FRAS1: variants seen among roughly 807,000 people sequenced by gnomAD.
The protein encoded by FRAS1 is extracellular matrix organizing protein FRAS1.
A neutral mutation model predicts 435.2 loss-of-function variants in FRAS1; 290 were observed. The observed-to-expected ratio is 0.67, with a 90% confidence interval of 0.61 to 0.73. The LOEUF is 0.73. Ranked by LOEUF, FRAS1 falls within the 30% of genes least tolerant of loss-of-function variation. The probability of loss-of-function intolerance (pLI) is 0.00; values close to 1 mark genes in which losing one functional copy is unlikely to be tolerated. For synonymous variants in FRAS1, 1,800 were observed against 1,851.0 expected (o/e 0.97, Z 0.71); for missense variants, 4,860 against 5,001.5 (o/e 0.97, Z 0.85).
intron 2 of FRAS1, among the ~76,000 whole-genome samples, chr4:78,185,157 G>A (rs1307914994): frequency 6.6e-6 from 1 of 152,248 alleles, no homozygotes; most frequent in Non-Finnish European, 1.5e-5. Context: ...AATGCTGCGT[G>A]TCAGTTGATC....
At chr4:78,087,435 C>A (rs1237429703) in intron 2 of FRAS1, among the ~76,000 whole-genome samples, 1 of 152,086 alleles carries the variant, frequency 6.6e-6, no homozygotes, top group East Asian at 1.9e-4. Context: ...GGCAATCTGG[C>A]AGGAGAAGGA....
intron 14 of FRAS1, among the ~76,000 whole-genome samples, chr4:78,306,577 T>C (rs2110216581): frequency 7.4e-6 from 1 of 135,132 alleles, no homozygotes; most frequent in African/African-American, 2.8e-5. Context: ...TATTCTTTTT[T>C]CTCTAAACTT....
intron 2 of FRAS1, among the ~76,000 whole-genome samples, chr4:78,226,845 G>A (rs1724298863): frequency 6.6e-6 from 1 of 152,082 alleles, no homozygotes; most frequent in Non-Finnish European, 1.5e-5. Flanking sequence ...TGTTCCATGT[G>A]TCACTAATGC....
At chr4:78,506,613 A>G (rs1225875309) in intron 61 of FRAS1, among the ~76,000 whole-genome samples, 1 of 152,184 alleles carries the variant, frequency 6.6e-6, no homozygotes, top group Non-Finnish European at 1.5e-5. Flanking sequence ...GGAAAAGTGC[A>G]GTATTTGGGC....
At chr4:78,428,565 C>T (rs185378350) in intron 35 of FRAS1, among the ~76,000 whole-genome samples, 14 of 152,260 alleles carry the variant, frequency 9.2e-5, no homozygotes, top group African/African-American at 2.6e-4. Flanking sequence ...CCTCGTGATC[C>T]GCCTGCCTCG....
intron 34 of FRAS1, 52 bp downstream of exon 34, chr4:78,422,052 C>T: frequency 6.5e-7 from 1 of 1,549,954 alleles, no homozygotes; most frequent in Non-Finnish European, 8.7e-7. Context: ...TGTGGCTCTA[C>T]ATGACAGGCT....
intron 23 of FRAS1, among the ~76,000 whole-genome samples, 165 bp downstream of exon 23, chr4:78,370,149 C>G (rs1731446529): frequency 6.6e-6 from 1 of 152,114 alleles, no homozygotes; most frequent in African/African-American, 2.4e-5. Flanking sequence ...TAATTCACTC[C>G]TTTATTTACT....
chr4:78,326,171 G>A (rs78513854), intron 18 of FRAS1, among the ~76,000 whole-genome samples: 10,415 of 152,134 alleles, frequency 0.068, 582 homozygotes, highest in East Asian at 0.27. Context: ...GTGGATGTGT[G>A]GCAGATAAAT....
rs116596621 is a variant in FRAS1 at position 78,431,805 on chromosome 4, G to A, written c.4970-552G>A. ...TTGAAATTTTTTTTTACATAATGCC[G>A]ATCAAATTTCTCATGAATTAGTACT... On this transcript the variant is annotated intron_variant, in intron 37 of 73. Transcript: ENST00000512123. Among the ~76,000 whole-genome samples, 751 of 151,984 alleles carry A rather than the reference G, an allele frequency of 4.9e-3. 3 individuals carry two copies. Among genetic ancestry groups the A allele is most frequent in the African/African-American group, 0.016 (678 of 41,466 alleles).
At chr4:78,086,164 C>T (rs1357726303) in intron 2 of FRAS1, among the ~76,000 whole-genome samples, 1 of 152,142 alleles carries the variant, frequency 6.6e-6, no homozygotes, top group African/African-American at 2.4e-5. Context: ...ACAAACTGCT[C>T]CTGAATGACT....
intron 14 of FRAS1, among the ~76,000 whole-genome samples, chr4:78,306,600 C>A (rs928612426): frequency 7.0e-6 from 1 of 143,204 alleles, no homozygotes; most frequent in African/African-American, 2.6e-5. Context: ...CTTCTCGCTT[C>A]ATTTCATTCA....
chr4:78,309,137 A>G (rs766919319), intron 15 of FRAS1, among the ~76,000 whole-genome samples: 5 of 152,222 alleles, frequency 3.3e-5, no homozygotes, highest in Admixed American at 6.5e-5. Flanking sequence ...GGAAAATGCC[A>G]TAAGCATGCA....
intron 2 of FRAS1, among the ~76,000 whole-genome samples, chr4:78,219,029 A>G (rs1409563117): frequency 6.6e-6 from 1 of 152,234 alleles, no homozygotes; most frequent in East Asian, 1.9e-4. Context: ...AGAGGATTTC[A>G]GCTCCAGTAT....
chr4:78,082,745 C>T (rs1740952321), intron 2 of FRAS1, among the ~76,000 whole-genome samples: 1 of 151,834 alleles, frequency 6.6e-6, no homozygotes, highest in South Asian at 2.1e-4. Flanking sequence ...GAATTATAGG[C>T]CAAAATCAAT....
chr4:78,083,751 T>C (rs1030755453), intron 2 of FRAS1, among the ~76,000 whole-genome samples: 2 of 151,456 alleles, frequency 1.3e-5, no homozygotes, highest in African/African-American at 4.8e-5. Context: ...AGTTTGAGAC[T>C]TACATTGTAG....
Position 78,281,492 on chromosome 4 carries a change from C to T in FRAS1, c.1107+59C>T, listed in dbSNP as rs182462590. On this transcript the variant is annotated intron_variant, in intron 11 of 73. Transcript: ENST00000512123. ...TTATAAAATTGTTTTATGTAATGAT[C>T]TGCATGAAATATCATGGGGAAACTT... 56 of 1,108,266 alleles carry T rather than the reference C, an allele frequency of 5.1e-5. No individual in the cohort carries two copies. In the East Asian group the frequency reaches 1.4e-3, roughly 27 times the overall value. 68.7% of individuals were successfully genotyped at this position (1,108,266 alleles called of 1,614,324 possible).
At chr4:78,502,062 G>A (rs187237968) in intron 61 of FRAS1, among the ~76,000 whole-genome samples, 94 of 152,242 alleles carry the variant, frequency 6.2e-4, no homozygotes, top group African/African-American at 1.9e-3. Flanking sequence ...CCTCTGTTCC[G>A]TTCCATGGGT....
rs759800698 is a variant in FRAS1, at chr4:78,432,400, G to A, written c.5013G>A (p.Gln1671=). 2 of 1,609,774 alleles carry A rather than the reference G, an allele frequency of 1.2e-6. No individual in the cohort carries two copies. The highest frequency in any genetic ancestry group is 4.5e-5 in the East Asian group (2 of 44,836). Residue 1671 remains glutamine, a synonymous_variant, in exon 38 of 74, where the codon CAG becomes CAA. Transcript: ENST00000512123. ...AGGATGTTGAGAAAAATGCTCTACAGTATATACATGATGGTTCCTCTACCC... is the reference window on the plus strand; with the variant it reads ...AGGATGTTGAGAAAAATGCTCTACAATATATACATGATGGTTCCTCTACCC... The part of the protein sequence containing the change: ...TYEDVEKNAL[Q]YIHDGSSTRE...
intron 2 of FRAS1, among the ~76,000 whole-genome samples, chr4:78,230,939 A>G (rs545645935): frequency 2.2e-4 from 34 of 152,168 alleles, no homozygotes; most frequent in Non-Finnish European, 3.8e-4. Context: ...TTGTTTTTTT[A>G]CCTTATATTT....
Sources: allele counts gnomAD v4.1 joint callset (sites outside exome capture counted in the v4.1 genomes callset), GRCh38; gene constraint gnomAD v4.1.1; transcripts MANE v1.5; gene names NCBI Gene and HGNC (gene_info 2026-07-23, HGNC 2026-07-21).